The following CMIP variants were observed in gnomAD, a reference collection of about 807,000 sequenced individuals.
CMIP encodes the protein c-Maf inducing protein, also known as C-Maf-inducing protein.
A neutral mutation model predicts 97.3 loss-of-function variants in CMIP; 13 were observed. That is an observed-to-expected ratio of 0.13 (90% CI 0.09 to 0.21). CMIP has a LOEUF of 0.21. Among genes scored for constraint, CMIP ranks in the 10% least tolerant of loss-of-function variants. The probability of loss-of-function intolerance (pLI) is 1.00; values close to 1 mark genes in which losing one functional copy is unlikely to be tolerated. For synonymous variants in CMIP, 538 were observed against 436.3 expected (o/e 1.23, Z -2.91); for missense variants, 847 against 1,024.9 (o/e 0.83, Z 2.37).
intron 1 of CMIP, among the ~76,000 whole-genome samples, chr16:81,529,384 G>T (rs2090189516): frequency 6.6e-6 from 1 of 152,164 alleles, no homozygotes; most frequent in Non-Finnish European, 1.5e-5. Flanking sequence ...TGGGCAGAGT[G>T]TGAGGGGCTG....
At chr16:81,466,242 G>T (rs1460928940) in intron 1 of CMIP, among the ~76,000 whole-genome samples, 1 of 152,082 alleles carries the variant, frequency 6.6e-6, no homozygotes, top group East Asian at 1.9e-4. Context: ...TAAATTTTTT[G>T]TAGAGATGGG....
At chr16:81,648,573 C>T (rs2092391764) in intron 3 of CMIP, among the ~76,000 whole-genome samples, 1 of 151,918 alleles carries the variant, frequency 6.6e-6, no homozygotes, top group South Asian at 2.1e-4. Flanking sequence ...CACGTGAGAT[C>T]AGGAGTTCAA....
At position 81,516,957 on chromosome 16, in the gene CMIP, C is replaced by T. The variant is rs535941688; in HGVS notation, c.300+71416C>T. Among the ~76,000 whole-genome samples, 4 of 151,810 alleles carry T rather than the reference C, an allele frequency of 2.6e-5. No individual in the cohort carries two copies. In the South Asian group the frequency reaches 8.4e-4, roughly 32 times the overall value. On this transcript the variant is annotated intron_variant, in intron 1 of 20. Coordinates refer to ENST00000537098, the MANE Select transcript of CMIP (RefSeq NM_198390.3). ...TCATCAGTGAAAAACCAGATGGCCT[C>T]CAAGGTCTTCAGTGAAAAACCAGAA... is the stretch of plus-strand genomic sequence containing the variant.
At chr16:81,657,903 C>T (rs2092502623) in intron 5 of CMIP, 87 bp downstream of exon 5, 3 of 1,103,372 alleles carry the variant, frequency 2.7e-6, no homozygotes, top group South Asian at 1.5e-5. Flanking sequence ...AATTCTGGCG[C>T]CTGCGTAATC....
At chr16:81,555,625 C>G (rs2090746882) in intron 1 of CMIP, among the ~76,000 whole-genome samples, 1 of 152,204 alleles carries the variant, frequency 6.6e-6, no homozygotes, top group African/African-American at 2.4e-5. Flanking sequence ...CCCCATTTCC[C>G]TAGGCGGCCT....
At chr16:81,650,529 G>A (rs188409275) in intron 3 of CMIP, among the ~76,000 whole-genome samples, 2 of 152,226 alleles carry the variant, frequency 1.3e-5, no homozygotes, top group African/African-American at 2.4e-5. Flanking sequence ...TCATGGGGGC[G>A]ACACCAGTGG....
chr16:81,593,681 T>C (rs1286690103), intron 1 of CMIP, among the ~76,000 whole-genome samples: 1 of 152,174 alleles, frequency 6.6e-6, no homozygotes, highest in Non-Finnish European at 1.5e-5. Context: ...GTCTGGGCAT[T>C]GAGCTCATTG....
At chr16:81,685,868 G>A (rs1905328834) in intron 10 of CMIP, among the ~76,000 whole-genome samples, 1 of 152,152 alleles carries the variant, frequency 6.6e-6, no homozygotes, top group African/African-American at 2.4e-5. Context: ...GCCCACCAGT[G>A]TCCTTGTGAT....
chr16:81,690,794 C>T (rs951664200), intron 10 of CMIP, among the ~76,000 whole-genome samples: 2 of 152,180 alleles, frequency 1.3e-5, no homozygotes, highest in African/African-American at 2.4e-5. Flanking sequence ...GGCATAGTGG[C>T]GCACGCCTAT....
At chr16:81,660,988 CCT>C (rs1375965956) in intron 6 of CMIP, 42 bp downstream of exon 6, 1 of 1,612,310 alleles carries the variant, frequency 6.2e-7, no homozygotes, top group Non-Finnish European at 8.5e-7. Context: ...CAGGAAGTAA[CCT>C]CCCTCTGTGC....
chr16:81,521,277 C>T (rs939232079), intron 1 of CMIP, among the ~76,000 whole-genome samples: 1 of 152,128 alleles, frequency 6.6e-6, no homozygotes, highest in East Asian at 1.9e-4. Flanking sequence ...TGGTACTGCA[C>T]GGTTGCCATG....
At chr16:81,539,757 G>A (rs148809608) in intron 1 of CMIP, among the ~76,000 whole-genome samples, 20 of 152,162 alleles carry the variant, frequency 1.3e-4, no homozygotes, top group South Asian at 2.1e-4. Context: ...AATTCCCTCC[G>A]CCTCATCTTC....
chr16:81,476,292 C>G (rs898233632), intron 1 of CMIP: 1 of 1,554,594 alleles, frequency 6.4e-7, no homozygotes, highest in African/African-American at 1.4e-5. Context: ...CATAGATGGA[C>G]TTGCCACCAG....
intron 3 of CMIP, among the ~76,000 whole-genome samples, chr16:81,626,918 G>T (rs1440562974): frequency 1.3e-5 from 2 of 148,678 alleles, no homozygotes; most frequent in Non-Finnish European, 3.0e-5. Context: ...TATTTTATGT[G>T]TGTGTTTGTG....
At chr16:81,660,849 C>T (rs769139793) in intron 5 of CMIP, 35 bp from the exon 6 acceptor site, 4 of 1,612,444 alleles carry the variant, frequency 2.5e-6, no homozygotes, top group Non-Finnish European at 3.4e-6. Context: ...GGCTATCTAC[C>T]CCACGGTTCC....
In CMIP at chr16:81,582,738, G is replaced by T. The variant is rs965052901; in HGVS notation, c.301-24829G>T. 4.6e-5 allele frequency among the ~76,000 whole-genome samples: 7 copies of T among 152,314 alleles called. No individual in the cohort carries two copies. The South Asian group carries it at 8.3e-4, about 18-fold the overall frequency. On this transcript the variant is annotated intron_variant, in intron 1 of 20. Coordinates refer to ENST00000537098, the MANE Select transcript of CMIP (RefSeq NM_198390.3). ...CAGTCCTGACTAGTGTATTGCTTGGGTTTCCAAGACCATGAAACTAAAAGC... is the reference window on the plus strand; with the variant it reads ...CAGTCCTGACTAGTGTATTGCTTGGTTTTCCAAGACCATGAAACTAAAAGC...
Position 81,705,573 on chromosome 16 carries a change from G to A in CMIP, c.2166G>A (p.Pro722=), listed in dbSNP as rs781136376. ...AGGTGCTGAACCTGTGCGAGACCCC[G>A]GTCACAGACGCTGGCCTGCTGGCCC... is the stretch of plus-strand genomic sequence containing the variant. The part of the protein sequence containing the change: ...MLQVLNLCET[P]VTDAGLLALS... The change falls in exon 19 of 21, where the codon CCG becomes CCA. Residue 722 remains proline, a synonymous_variant. Transcript: ENST00000537098. 1.1e-5 allele frequency: 18 copies of A among 1,607,428 alleles called. 1 individual carries two copies. The highest frequency in any genetic ancestry group is 1.3e-5 in the African/African-American group (1 of 74,866).
chr16:81,696,047 C>T, intron 13 of CMIP: 1 of 179,966 alleles, frequency 5.6e-6, no homozygotes, highest in South Asian at 1.0e-4. Flanking sequence ...GGCAGCAGAA[C>T]CCCAGAGAGG....
At chr16:81,476,576 T>C (rs2150752224) in intron 1 of CMIP, 1 of 528,324 alleles carries the variant, frequency 1.9e-6, no homozygotes, top group South Asian at 1.8e-5. Context: ...CCATGTTTCC[T>C]AGATTGTAAA....
Sources: gnomAD v4.1 joint callset for allele counts (sites outside exome capture counted in the v4.1 genomes callset) on GRCh38, gnomAD v4.1.1 for gene constraint, MANE v1.5 for transcripts, NCBI Gene and HGNC (gene_info 2026-07-23, HGNC 2026-07-21) for gene names.